RHPN2: variants seen among roughly 807,000 people sequenced by gnomAD.
RHPN2 encodes the protein rhophilin Rho GTPase binding protein 2.
A neutral mutation model predicts 79.0 loss-of-function variants in RHPN2; 40 were observed. That is an observed-to-expected ratio of 0.51 (90% CI 0.39 to 0.66). The LOEUF (loss-of-function observed/expected upper bound fraction) is 0.66, where lower values mean the gene tolerates loss of function less well. RHPN2 is among the 30% of genes least tolerant of loss of function. The pLI, the probability that RHPN2 is intolerant of heterozygous loss-of-function variation, is 0.00. For missense variants in RHPN2, 686 were observed against 883.5 expected (o/e 0.78, Z 2.83); for synonymous variants, 285 against 363.5 (o/e 0.78, Z 2.46).
chr19:33,028,588 C>T (rs1225073645), intron 2 of RHPN2, among the ~76,000 whole-genome samples: 4 of 152,094 alleles, frequency 2.6e-5, no homozygotes, highest in African/African-American at 9.7e-5. Context: ...CTGAAAACTA[C>T]AAAACAATGC....
chr19:33,004,902 T>A (rs1971778126), intron 7 of RHPN2, among the ~76,000 whole-genome samples: 1 of 151,748 alleles, frequency 6.6e-6, no homozygotes, highest in Admixed American at 6.6e-5. Context: ...ACCCAATTTT[T>A]AAAAATTGGA....
chr19:33,010,935 G>A (rs1446196349), intron 6 of RHPN2, among the ~76,000 whole-genome samples: 3 of 152,054 alleles, frequency 2.0e-5, no homozygotes, highest in Admixed American at 6.6e-5. Context: ...TGCCTGCCTC[G>A]GCCTCCCAAA....
intron 2 of RHPN2, among the ~76,000 whole-genome samples, chr19:33,041,070 T>C (rs2145260723): frequency 6.6e-6 from 1 of 152,290 alleles, no homozygotes; most frequent in African/African-American, 2.4e-5. Flanking sequence ...AGGGGAAGAC[T>C]TTGAAGGATC....
chr19:33,000,182 T>C (rs560237549), intron 9 of RHPN2, among the ~76,000 whole-genome samples: 25 of 151,226 alleles, frequency 1.7e-4, no homozygotes, highest in Non-Finnish European at 3.4e-4. Flanking sequence ...ACCCCAAAGC[T>C]CTTGCTCACT....
At chr19:33,050,603 CT>C (rs1972178925) in intron 1 of RHPN2, among the ~76,000 whole-genome samples, 1 of 152,126 alleles carries the variant, frequency 6.6e-6, no homozygotes, top group South Asian at 2.1e-4. Context: ...AGGATGTAGA[CT>C]TTTATGTCTG....
At chr19:33,064,755 T>TGCCCCCCCCCCCCC in intron 1 of RHPN2, 29 bp downstream of exon 1, 2 of 1,427,948 alleles carry the variant, frequency 1.4e-6, no homozygotes, top group Non-Finnish European at 1.9e-6. Flanking sequence ...AGCCCGCAGG[T>TGCCCCCCCCCCCCC]CCCCGCCCGC....
At chr19:33,012,966 C>T (rs965255954) in intron 4 of RHPN2, among the ~76,000 whole-genome samples, 32 of 151,952 alleles carry the variant, frequency 2.1e-4, no homozygotes, top group Admixed American at 1.3e-4. Flanking sequence ...ACCTCTGCCT[C>T]CCGGGTTCAC....
At chr19:33,008,293 C>T in intron 6 of RHPN2, 113 bp from the exon 7 acceptor site, 1 of 1,115,580 alleles carries the variant, frequency 9.0e-7, no homozygotes, top group Non-Finnish European at 1.3e-6. Context: ...ACTCTGTTGC[C>T]CAGGCTGGAG....
chr19:33,053,010 T>C (rs10413989), intron 1 of RHPN2, among the ~76,000 whole-genome samples: 55,174 of 151,198 alleles, frequency 0.36, 13,134 homozygotes, highest in African/African-American at 0.65. Context: ...CTTGCTCTGT[T>C]GCCCAGGCTG....
chr19:33,036,875 C>A (rs1187797718), intron 2 of RHPN2, among the ~76,000 whole-genome samples: 1 of 144,524 alleles, frequency 6.9e-6, no homozygotes, highest in Non-Finnish European at 1.5e-5. Flanking sequence ...CCTGAGCCCC[C>A]CCGCCACCCT....
chr19:33,018,106 T>A (rs921976872), intron 4 of RHPN2, among the ~76,000 whole-genome samples: 1 of 151,970 alleles, frequency 6.6e-6, no homozygotes, highest in Admixed American at 6.6e-5. Context: ...TGAGCCGAGA[T>A]CACGCCACTG....
intron 4 of RHPN2, among the ~76,000 whole-genome samples, chr19:33,017,109 T>A (rs1042435031): frequency 6.6e-6 from 1 of 152,208 alleles, no homozygotes; most frequent in African/African-American, 2.4e-5. Context: ...CCGGATGCAG[T>A]GGCTCACACC....
Position 33,026,629 on chromosome 19 carries a change from C to A in RHPN2, c.189G>T (p.Val63=). The A allele has an allele frequency of 6.2e-7, 1 of 1,606,182 alleles. No homozygotes were observed. The highest frequency in any genetic ancestry group is 1.1e-5 in the South Asian group (1 of 91,048). ...GCTCCCGCACCTTTGAGTTTGTGGC[C>A]ACTCTGTTCAAAGAGAAGAGGGAGA... is the stretch of plus-strand genomic sequence containing the variant. ...MRTGAENLLK[V]ATNSKVREQV... Residue 63 remains valine, a synonymous_variant, in exon 3 of 15, where the codon GTG becomes GTT. Transcript: ENST00000254260.
chr19:33,023,566 T>A (rs1971941952), intron 3 of RHPN2, among the ~76,000 whole-genome samples: 1 of 151,090 alleles, frequency 6.6e-6, no homozygotes, highest in Non-Finnish European at 1.5e-5. Context: ...GGCAGGCGGA[T>A]CACGAGGTCA....
chr19:33,006,615 C>T (rs764301859), intron 7 of RHPN2, among the ~76,000 whole-genome samples: 18 of 152,236 alleles, frequency 1.2e-4, no homozygotes, highest in Non-Finnish European at 2.5e-4. Context: ...CTGTGGTCTA[C>T]ACTGTGCCCT....
intron 7 of RHPN2, 106 bp downstream of exon 7, chr19:33,007,908 T>TGTAA (rs111834023): frequency 0.18 from 223,142 of 1,259,062 alleles, 21,274 homozygotes; most frequent in South Asian, 0.28. Context: ...TGGAGACTGG[T>TGTAA]CTGGCCCTTG....
Position 32,994,057 on chromosome 19 carries a change from G to C in RHPN2, c.1421-4C>G, listed in dbSNP as rs373300445. 3 of 1,601,690 alleles carry C rather than the reference G, an allele frequency of 1.9e-6. No individual in the cohort carries two copies. In the African/African-American group the frequency reaches 4.0e-5, roughly 21 times the overall value. ...TCAACCTCTTGCTCAGTTTTAGCTA[G>C]AATAGAGGATTAGAAATGGGAGGAT... On this transcript the variant is annotated splice_region_variant and splice_polypyrimidine_tract_variant and intron_variant, in intron 11 of 14. Transcript: ENST00000254260.
intron 10 of RHPN2, among the ~76,000 whole-genome samples, chr19:32,999,241 C>G (rs1487741821): frequency 2.0e-5 from 3 of 152,062 alleles, no homozygotes; most frequent in African/African-American, 7.2e-5. Context: ...ACTGCATTAC[C>G]AGTCATTAGG....
At chr19:33,011,897 G>A in intron 5 of RHPN2, 94 bp from the exon 6 acceptor site, 1 of 1,539,226 alleles carries the variant, frequency 6.5e-7, no homozygotes, top group Non-Finnish European at 8.9e-7. Context: ...GCAGGTGCCT[G>A]TAACTATTTC....
Sources: gnomAD v4.1 joint callset for allele counts (sites outside exome capture counted in the v4.1 genomes callset) on GRCh38, gnomAD v4.1.1 for gene constraint, MANE v1.5 for transcripts, NCBI Gene and HGNC (gene_info 2026-07-23, HGNC 2026-07-21) for gene names.